The following TAFA4 variants were observed in gnomAD, a reference collection of about 807,000 sequenced individuals.
TAFA4 encodes the protein TAFA chemokine like family member 4.
Under a neutral mutation model 21.1 loss-of-function variants are expected in TAFA4, and 20 were observed. That is an observed-to-expected ratio of 0.95 (90% confidence interval 0.67 to 1.38). The LOEUF is 1.38. TAFA4 is among the 40% of genes most tolerant of loss of function. The pLI, the probability that TAFA4 is intolerant of heterozygous loss-of-function variation, is 0.00. For missense variants in TAFA4, 211 were observed against 180.9 expected (o/e 1.17, Z -0.95); for synonymous variants, 71 against 67.4 (o/e 1.05, Z -0.26).
Position 68,830,035 on chromosome 3 carries a change from C to T in TAFA4, c.130+50695G>A, listed in dbSNP as rs573045506. 1.2e-4 allele frequency among the ~76,000 whole-genome samples: 19 copies of T among 152,252 alleles called. 1 individual carries two copies. The highest frequency in any genetic ancestry group is 4.6e-4 in the African/African-American group (19 of 41,550). On this transcript the variant is annotated intron_variant, in intron 3 of 5. Coordinates refer to ENST00000295569, the MANE Select transcript of TAFA4 (RefSeq NM_182522.5). The stretch of plus-strand genomic sequence containing the variant: ...GTTTCTGTGGTATCAGTGGTGATAT[C>T]CCTTTTTTCAGGTTTTATTGCGTCT...
intron 3 of TAFA4, among the ~76,000 whole-genome samples, chr3:68,866,938 C>T (rs999502069): frequency 1.3e-5 from 2 of 151,718 alleles, no homozygotes; most frequent in Admixed American, 6.6e-5. Context: ...GGAATTACCT[C>T]GAAAGAACAA....
chr3:68,891,102 T>G (rs1022401809), intron 1 of TAFA4, among the ~76,000 whole-genome samples: 5 of 152,200 alleles, frequency 3.3e-5, no homozygotes, highest in Non-Finnish European at 5.9e-5. Flanking sequence ...ACAGCTGCAC[T>G]TCTGAATAGA....
rs566411504 is a variant in TAFA4 at position 68,777,992 on chromosome 3, A to G, written c.131-24974T>C. Among the ~76,000 whole-genome samples, 289 of 152,274 alleles carry G rather than the reference A, an allele frequency of 1.9e-3. 1 individual carries two copies. The highest frequency in any genetic ancestry group is 6.7e-3 in the African/African-American group (277 of 41,584). On this transcript the variant is annotated intron_variant, in intron 3 of 5. Coordinates refer to ENST00000295569, the MANE Select transcript of TAFA4 (RefSeq NM_182522.5). ...AACATTACCTAACAATATCTTTCTT[A>G]GAAAGCATCTCCATTGTTAAGCAAC...
chr3:68,906,637 T>G (rs912714693), intron 1 of TAFA4, among the ~76,000 whole-genome samples: 1 of 152,118 alleles, frequency 6.6e-6, no homozygotes, highest in African/African-American at 2.4e-5. Context: ...TAAATCAGTG[T>G]CAACCAGAGA....
intron 3 of TAFA4, among the ~76,000 whole-genome samples, chr3:68,780,468 G>A (rs918798961): frequency 6.6e-6 from 1 of 152,190 alleles, no homozygotes; most frequent in Non-Finnish European, 1.5e-5. Context: ...ATTGAATCAT[G>A]AGGGCAGGTC....
rs368282756 is a variant in TAFA4, at chr3:68,752,820, G to T, written c.286+43C>A. 79 of 1,613,334 alleles carry T rather than the reference G, an allele frequency of 4.9e-5. 1 individual carries two copies. The highest frequency in any genetic ancestry group is 1.8e-4 in the Admixed American group (11 of 60,010). ...AGTAGGGAAATTCCTGGTGGGTTTT[G>T]GCCTTTTTGAAATACCAGAGATGCT... On this transcript the variant is annotated intron_variant, in intron 4 of 5. Transcript: ENST00000295569.
At chr3:68,762,808 G>A (rs1354440) in intron 3 of TAFA4, among the ~76,000 whole-genome samples, 41,615 of 152,234 alleles carry the variant, frequency 0.27, 7,125 homozygotes, top group Non-Finnish European at 0.39. Context: ...GGAGACTGAG[G>A]CAGGCAGATC....
chr3:68,787,177 T>G (rs894342981), intron 3 of TAFA4, among the ~76,000 whole-genome samples: 43 of 152,178 alleles, frequency 2.8e-4, no homozygotes, highest in African/African-American at 8.4e-4. Context: ...GAGTGAATTT[T>G]AAGCAGGTGT....
chr3:68,835,199 C>A (rs183294616), intron 3 of TAFA4, among the ~76,000 whole-genome samples: 2 of 152,134 alleles, frequency 1.3e-5, no homozygotes, highest in Admixed American at 1.3e-4. Context: ...TCCCTGGTGA[C>A]CTTATTTGAA....
At chr3:68,771,746 G>A (rs761275823) in intron 3 of TAFA4, among the ~76,000 whole-genome samples, 4 of 151,800 alleles carry the variant, frequency 2.6e-5, no homozygotes, top group East Asian at 1.9e-4. Context: ...ACCACACAAC[G>A]CCTTTCTAGA....
intron 4 of TAFA4, among the ~76,000 whole-genome samples, chr3:68,742,852 C>G (rs1702383013): frequency 6.6e-6 from 1 of 152,220 alleles, no homozygotes; most frequent in Non-Finnish European, 1.5e-5. Flanking sequence ...GAGAGGCAGT[C>G]TAATGCTAGA....
chr3:68,782,051 G>A lies in TAFA4; in HGVS notation c.131-29033C>T, dbSNP rs536186153. Among the ~76,000 whole-genome samples, 4 of 152,242 alleles carry A rather than the reference G, an allele frequency of 2.6e-5. No individual in the cohort carries two copies. The South Asian group carries it at 6.2e-4, about 24-fold the overall frequency. On this transcript the variant is annotated intron_variant, in intron 3 of 5. Transcript: ENST00000295569. ...TTTAAGTATCAAAGAATACTTTCAA[G>A]AGTAGAAAAACAACGGAGAAAATGG...
chr3:68,868,947 C>A (rs116695927), intron 3 of TAFA4, among the ~76,000 whole-genome samples: 3,227 of 150,858 alleles, frequency 0.021, 117 homozygotes, highest in African/African-American at 0.074. Context: ...TGTTTTTTTG[C>A]AGAGATAAAA....
At position 68,732,269 on chromosome 3, in the gene TAFA4, G is replaced by A. The variant is rs985048234; in HGVS notation, c.*873C>T. On this transcript the variant is annotated 3_prime_UTR_variant, in exon 6 of 6. Coordinates refer to ENST00000295569, the MANE Select transcript of TAFA4 (RefSeq NM_182522.5). ...TTCAGCACTGAAAGACTCCTGTCTC[G>A]GAGTTAAAATCTTTTCATATAATTG... 2.4e-4 allele frequency: 36 copies of A among 152,402 alleles called. 1 individual carries two copies. Among genetic ancestry groups the A allele is most frequent in the Admixed American group, 6.6e-4 (10 of 15,226 alleles). 9.4% of individuals were successfully genotyped at this position (152,402 alleles called of 1,614,324 possible).
chr3:68,747,054 T>C (rs1173376650), intron 4 of TAFA4, among the ~76,000 whole-genome samples: 1 of 152,176 alleles, frequency 6.6e-6, no homozygotes, highest in African/African-American at 2.4e-5. Context: ...GAAACTGATC[T>C]ACAGTTTGAA....
At chr3:68,892,033 A>T (rs2089735172) in intron 1 of TAFA4, among the ~76,000 whole-genome samples, 3 of 152,094 alleles carry the variant, frequency 2.0e-5, no homozygotes, top group Admixed American at 2.0e-4. Flanking sequence ...GATGAAAGTA[A>T]ATGTGCTTAA....
chr3:68,880,741 C>T lies in TAFA4; in HGVS notation c.119G>A (p.Arg40Gln), dbSNP rs751781952. ...KLMSASSQHL[R>Q]GHAGHHQIKQ... is the part of the protein sequence containing the mutation. ...CTTAAAGGGCTTACCTGCATGTCCC[C>T]GGAGGTGCTGGCTTGAGGCGGACAT... The change falls in exon 3 of 6, where the codon CGG (arginine) becomes CAG (glutamine). Residue 40 changes from arginine to glutamine, a missense_variant. Arg to Gln is a conservative substitution (Grantham distance 43). Coordinates refer to ENST00000295569, the MANE Select transcript of TAFA4 (RefSeq NM_182522.5). 59 of 1,613,814 alleles carry T rather than the reference C, an allele frequency of 3.7e-5. No individual in the cohort carries two copies. The highest frequency in any genetic ancestry group is 2.0e-4 in the African/African-American group (15 of 74,916).
chr3:68,747,194 A>G (rs1342606729), intron 4 of TAFA4, among the ~76,000 whole-genome samples: 2 of 152,110 alleles, frequency 1.3e-5, no homozygotes, highest in Non-Finnish European at 2.9e-5. Flanking sequence ...TCCTGCCCCT[A>G]CCATGGGCAA....
intron 3 of TAFA4, among the ~76,000 whole-genome samples, chr3:68,791,995 A>C (rs1020153946): frequency 2.6e-5 from 4 of 152,142 alleles, no homozygotes; most frequent in African/African-American, 7.2e-5. Context: ...CTAAAAAAAA[A>C]CTCTGAGACT....
Sources: allele counts gnomAD v4.1 joint callset (sites outside exome capture counted in the v4.1 genomes callset), GRCh38; gene constraint gnomAD v4.1.1; transcripts MANE v1.5; gene names NCBI Gene and HGNC (gene_info 2026-07-23, HGNC 2026-07-21).